The following CCDC60 variants were observed in gnomAD, a reference collection of about 807,000 sequenced individuals.
CCDC60 encodes coiled-coil domain containing 60.
Under a neutral mutation model 63.5 loss-of-function variants are expected in CCDC60, and 54 were observed. The observed-to-expected ratio is 0.85, with a 90% confidence interval of 0.68 to 1.07. The LOEUF (loss-of-function observed/expected upper bound fraction) is 1.07, where lower values mean the gene tolerates loss of function less well. CCDC60 is among the 50% of genes least tolerant of loss of function. The probability of loss-of-function intolerance (pLI) is 0.00; values close to 1 mark genes in which losing one functional copy is unlikely to be tolerated. For synonymous variants in CCDC60, 206 were observed against 238.8 expected (o/e 0.86, Z 1.27); for missense variants, 651 against 684.3 (o/e 0.95, Z 0.54).
At chr12:119,484,243 C>A (rs986556407) in intron 4 of CCDC60, among the ~76,000 whole-genome samples, 1 of 152,104 alleles carries the variant, frequency 6.6e-6, no homozygotes, top group African/African-American at 2.4e-5. Flanking sequence ...AATAATAGTA[C>A]CTTCTTCACA....
chr12:119,386,683 T>C (rs563076152), intron 1 of CCDC60, among the ~76,000 whole-genome samples: 1 of 152,228 alleles, frequency 6.6e-6, no homozygotes, highest in South Asian at 2.1e-4. Context: ...TTTGCAGAAA[T>C]GACACTGTCA....
chr12:119,374,638 T>C (rs1346216338), intron 1 of CCDC60, among the ~76,000 whole-genome samples: 1 of 152,040 alleles, frequency 6.6e-6, no homozygotes, highest in Non-Finnish European at 1.5e-5. Context: ...ACCAAGTTTA[T>C]TAGAGAAGTA....
intron 5 of CCDC60, among the ~76,000 whole-genome samples, chr12:119,490,247 G>A (rs1458016867): frequency 6.6e-6 from 1 of 152,192 alleles, no homozygotes; most frequent in Non-Finnish European, 1.5e-5. Flanking sequence ...TGATAGATCA[G>A]TAACTCCAAT....
At chr12:119,339,469 T>C (rs925906992) in intron 1 of CCDC60, among the ~76,000 whole-genome samples, 3 of 152,156 alleles carry the variant, frequency 2.0e-5, no homozygotes, top group South Asian at 2.1e-4. Flanking sequence ...GACTTGCTCA[T>C]ATCCTAGCTT....
chr12:119,401,491 G>A (rs7963084), intron 1 of CCDC60, among the ~76,000 whole-genome samples: 1,679 of 152,328 alleles, frequency 0.011, 31 homozygotes, highest in African/African-American at 0.039. Context: ...CAGATCTAGA[G>A]GAAGAGACAG....
chr12:119,385,094 C>T (rs992319334), intron 1 of CCDC60, among the ~76,000 whole-genome samples: 2 of 152,190 alleles, frequency 1.3e-5, no homozygotes, highest in African/African-American at 4.8e-5. Context: ...GAGCTATGGG[C>T]TTACTTGTTT....
At chr12:119,497,673 C>G (rs1262442455) in intron 5 of CCDC60, among the ~76,000 whole-genome samples, 2 of 151,864 alleles carry the variant, frequency 1.3e-5, no homozygotes, top group Admixed American at 1.3e-4. Flanking sequence ...GAGAAGAAGG[C>G]TGGAGGCTCA....
chr12:119,408,347 A>G (rs939917312), intron 1 of CCDC60, among the ~76,000 whole-genome samples: 29 of 152,332 alleles, frequency 1.9e-4, no homozygotes, highest in African/African-American at 6.3e-4. Context: ...CCTCTGCTTC[A>G]GGATCTCCTG....
intron 1 of CCDC60, among the ~76,000 whole-genome samples, chr12:119,339,235 T>C (rs1255408842): frequency 3.3e-5 from 5 of 152,104 alleles, no homozygotes; most frequent in Non-Finnish European, 7.3e-5. Context: ...ATTTCTGCCT[T>C]GGAAAAGGCT....
chr12:119,442,312 A>T (rs1356192369), intron 2 of CCDC60, among the ~76,000 whole-genome samples: 2 of 152,212 alleles, frequency 1.3e-5, no homozygotes, highest in Non-Finnish European at 2.9e-5. Context: ...ACAAAGGCAG[A>T]CAATAATATA....
chr12:119,425,462 A>G (rs1473501141), intron 1 of CCDC60, among the ~76,000 whole-genome samples: 1 of 152,230 alleles, frequency 6.6e-6, no homozygotes, highest in Non-Finnish European at 1.5e-5. Flanking sequence ...GCCACTCCCA[A>G]GAGAGGGATG....
At chr12:119,370,510 G>T (rs1955886730) in intron 1 of CCDC60, among the ~76,000 whole-genome samples, 2 of 152,216 alleles carry the variant, frequency 1.3e-5, no homozygotes, top group South Asian at 4.1e-4. Context: ...ATGAGAGAAG[G>T]TTATTTTCAA....
At chr12:119,502,545 T>C (rs998767745) in intron 6 of CCDC60, among the ~76,000 whole-genome samples, 7 of 152,146 alleles carry the variant, frequency 4.6e-5, no homozygotes, top group Non-Finnish European at 1.0e-4. Context: ...TGTCACATCT[T>C]CCCCCTACAT....
chr12:119,387,032 T>TCACACACA (rs772252087), intron 1 of CCDC60, among the ~76,000 whole-genome samples: 3 of 120,266 alleles, frequency 2.5e-5, no homozygotes, highest in East Asian at 8.4e-4. Context: ...CCTCTGTCTC[T>TCACACACA]CTCACACACA....
intron 2 of CCDC60, among the ~76,000 whole-genome samples, chr12:119,445,484 C>T (rs1950527757): frequency 9.6e-6 from 1 of 104,560 alleles, no homozygotes; most frequent in Admixed American, 1.1e-4. Flanking sequence ...ATTTTTCTGC[C>T]CTGAGCTAAA....
chr12:119,507,602 A>ATTTTT lies in CCDC60; in HGVS notation c.883+2300_883+2301insTTTTT, dbSNP rs1566050705. ...TACACATATATATACATATATATAT[A>ATTTTT]TATATATATATATTTTTTTTTTTTT... On this transcript the variant is annotated intron_variant, in intron 7 of 13. Coordinates refer to ENST00000327554, the MANE Select transcript of CCDC60 (RefSeq NM_178499.5). Among the ~76,000 whole-genome samples the ATTTTT allele has an allele frequency of 2.9e-4, 7 of 23,840 alleles. 1 individual carries two copies. Among genetic ancestry groups the ATTTTT allele is most frequent in the African/African-American group, 8.2e-4 (3 of 3,650 alleles). 15.6% of individuals were successfully genotyped at this position (23,840 alleles called of 152,430 possible).
chr12:119,498,724 A>C (rs1048372988), intron 5 of CCDC60, among the ~76,000 whole-genome samples: 2 of 152,248 alleles, frequency 1.3e-5, no homozygotes, highest in Non-Finnish European at 2.9e-5. Flanking sequence ...TGCAAAGAAA[A>C]AGGGAATAAA....
chr12:119,418,370 T>TTCCTTTTCTTTC (rs1956743010), intron 1 of CCDC60, among the ~76,000 whole-genome samples: 1 of 148,962 alleles, frequency 6.7e-6, no homozygotes, highest in South Asian at 2.1e-4. Flanking sequence ...TTCTTTCTTT[T>TTCCTTTTCTTTC]TCCTTTTCTT....
At chr12:119,492,079 C>A (rs1286176927) in intron 5 of CCDC60, among the ~76,000 whole-genome samples, 2 of 152,136 alleles carry the variant, frequency 1.3e-5, no homozygotes, top group African/African-American at 4.8e-5. Flanking sequence ...AAAATCAGAA[C>A]CTGAACCAGA....
Sources: allele counts gnomAD v4.1 joint callset (sites outside exome capture counted in the v4.1 genomes callset), GRCh38; gene constraint gnomAD v4.1.1; transcripts MANE v1.5; gene names NCBI Gene and HGNC (gene_info 2026-07-23, HGNC 2026-07-21).